Variants in IQSEC1 observed in about 807,000 individuals in gnomAD.
The protein encoded by IQSEC1 is IQ motif and Sec7 domain ArfGEF 1.
In IQSEC1, 31 loss-of-function variants were observed where a neutral mutation model predicts 91.0. The ratio of observed to expected loss-of-function variants is 0.34; its 90% CI spans 0.26 to 0.46. The LOEUF (loss-of-function observed/expected upper bound fraction) is 0.46. Among genes scored for constraint, IQSEC1 ranks in the 20% least tolerant of loss-of-function variants. IQSEC1 has a pLI of 1.00. For missense variants in IQSEC1, 1,388 were observed against 1,575.6 expected, an observed-to-expected ratio of 0.88 and a Z score of 2.02; for synonymous variants, 699 against 662.6, an observed-to-expected ratio of 1.05 and a Z score of -0.84.
chr3:13,250,611 T>A (rs13433756), intron 1 of IQSEC1, among the ~76,000 whole-genome samples: 43 of 91,702 alleles, frequency 4.7e-4, no homozygotes, highest in African/African-American at 2.4e-3. Flanking sequence ...TAATTTATTT[T>A]ATTTTATTTT....
At chr3:13,091,027 C>T (rs545373971) in intron 2 of IQSEC1, among the ~76,000 whole-genome samples, 4 of 152,182 alleles carry the variant, frequency 2.6e-5, no homozygotes, top group East Asian at 1.9e-4. Flanking sequence ...GCCTCCTCCT[C>T]ACCGCCCACA....
chr3:13,280,156 A>G (rs887089153), intron 1 of IQSEC1, among the ~76,000 whole-genome samples: 6 of 152,204 alleles, frequency 3.9e-5, no homozygotes, highest in African/African-American at 1.4e-4. Flanking sequence ...GACTTGTCCC[A>G]TGGTCACCGG....
chr3:12,897,097 C>T lies in IQSEC1; in HGVS notation c.*3886G>A, dbSNP rs2124928503. On this transcript the variant is annotated 3_prime_UTR_variant, in exon 14 of 14. Coordinates refer to ENST00000613206, the MANE Select transcript of IQSEC1 (RefSeq NM_001134382.3). ...TTTTGTATCAGTGTCCTCAGTCAGTCCAATGTCTTCAAGGAAAGTGAGTGC... is the reference window on the plus strand; with the variant it reads ...TTTTGTATCAGTGTCCTCAGTCAGTTCAATGTCTTCAAGGAAAGTGAGTGC... 1 of 152,294 alleles carries T rather than the reference C, an allele frequency of 6.6e-6. No individual in the cohort carries two copies. Among genetic ancestry groups the T allele is most frequent in the East Asian group, 1.9e-4 (1 of 5,188 alleles). 9.4% of individuals were successfully genotyped at this position (152,294 alleles called of 1,614,324 possible). A position where few individuals can be genotyped will look rare whatever the true frequency, so the allele number is the denominator to read the frequency against.
intron 2 of IQSEC1, among the ~76,000 whole-genome samples, chr3:13,120,230 C>T (rs1286901062): frequency 1.3e-5 from 2 of 152,212 alleles, no homozygotes; most frequent in Admixed American, 6.5e-5. Flanking sequence ...CTCACATCCT[C>T]ACCCTCCTTA....
intron 1 of IQSEC1, among the ~76,000 whole-genome samples, chr3:12,998,737 A>G (rs1702312962): frequency 6.6e-6 from 1 of 152,230 alleles, no homozygotes; most frequent in Admixed American, 6.5e-5. Context: ...AGAAACTGGT[A>G]CATGGTTTTG....
intron 1 of IQSEC1, among the ~76,000 whole-genome samples, chr3:12,948,315 G>C (rs1157068802): frequency 2.6e-5 from 4 of 152,238 alleles, no homozygotes; most frequent in African/African-American, 9.6e-5. Context: ...CCCCAAGCCA[G>C]GGTCACCTGC....
intron 2 of IQSEC1, among the ~76,000 whole-genome samples, chr3:13,091,586 G>A (rs1400911157): frequency 6.6e-6 from 1 of 152,164 alleles, no homozygotes; most frequent in Non-Finnish European, 1.5e-5. Context: ...AGCAGGGGCT[G>A]GGGTGTGAAA....
chr3:13,251,296 C>CTAGAGG (rs1487411129), intron 1 of IQSEC1, among the ~76,000 whole-genome samples: 2 of 152,226 alleles, frequency 1.3e-5, no homozygotes, highest in Non-Finnish European at 2.9e-5. Flanking sequence ...ATCAAACACA[C>CTAGAGG]TACATATAAC....
chr3:12,925,739 G>A (rs1291595244), intron 3 of IQSEC1, among the ~76,000 whole-genome samples: 3 of 152,242 alleles, frequency 2.0e-5, no homozygotes, highest in Non-Finnish European at 4.4e-5. Flanking sequence ...GATGTGCATA[G>A]GGCACGGCAT....
intron 2 of IQSEC1, among the ~76,000 whole-genome samples, chr3:13,129,881 A>G (rs1443026876): frequency 6.6e-6 from 1 of 151,628 alleles, no homozygotes; most frequent in Non-Finnish European, 1.5e-5. Flanking sequence ...GATGGTCTCG[A>G]TCTCCTGACC....
intron 3 of IQSEC1, among the ~76,000 whole-genome samples, chr3:12,934,804 C>T (rs755190701): frequency 6.6e-6 from 1 of 152,128 alleles, no homozygotes; most frequent in Non-Finnish European, 1.5e-5. Context: ...CTTTCCAGGA[C>T]CCCCTTGGGG....
intron 2 of IQSEC1, among the ~76,000 whole-genome samples, chr3:12,936,930 A>G (rs1325459710): frequency 6.6e-6 from 1 of 150,746 alleles, no homozygotes. Context: ...TTCCTCTCTC[A>G]GACCTCTTTT....
intron 1 of IQSEC1, among the ~76,000 whole-genome samples, chr3:13,230,812 AAAG>A (rs1435675998): frequency 1.3e-5 from 2 of 152,246 alleles, no homozygotes; most frequent in African/African-American, 4.8e-5. Context: ...CTGAACTAAG[AAAG>A]AAGACCATGG....
chr3:12,949,234 T>C (rs1339404853), intron 1 of IQSEC1, among the ~76,000 whole-genome samples: 2 of 152,202 alleles, frequency 1.3e-5, no homozygotes, highest in East Asian at 1.9e-4. Context: ...TGGACAGGGC[T>C]GGGTCCAGAG....
intron 2 of IQSEC1, among the ~76,000 whole-genome samples, chr3:13,146,446 C>T (rs550860716): frequency 9.2e-5 from 14 of 152,312 alleles, no homozygotes; most frequent in South Asian, 6.2e-4. Flanking sequence ...TAGGAGGGAA[C>T]GGCAGCACAC....
intron 1 of IQSEC1, among the ~76,000 whole-genome samples, chr3:12,968,432 T>C (rs923259641): frequency 6.6e-6 from 1 of 152,154 alleles, no homozygotes; most frequent in South Asian, 2.1e-4. Flanking sequence ...ATTAGCACTT[T>C]AGAGTTCTTT....
At chr3:13,221,746 G>A (rs1047197033) in intron 1 of IQSEC1, among the ~76,000 whole-genome samples, 11 of 152,356 alleles carry the variant, frequency 7.2e-5, no homozygotes, top group African/African-American at 2.2e-4. Flanking sequence ...GGGCCTCCTC[G>A]GCAGGGAGCT....
At chr3:12,964,540 G>A (rs536111475) in intron 1 of IQSEC1, among the ~76,000 whole-genome samples, 1 of 152,230 alleles carries the variant, frequency 6.6e-6, no homozygotes, top group Non-Finnish European at 1.5e-5. Context: ...TTTGACTGGA[G>A]TCCCGAGGAT....
intron 2 of IQSEC1, among the ~76,000 whole-genome samples, chr3:13,160,586 T>C (rs1249934177): frequency 1.3e-5 from 2 of 152,250 alleles, no homozygotes; most frequent in Non-Finnish European, 2.9e-5. Context: ...CCCATTAATT[T>C]TAGTGAGTGT....
Sources: gnomAD v4.1 joint callset for allele counts (sites outside exome capture counted in the v4.1 genomes callset) on GRCh38, gnomAD v4.1.1 for gene constraint, MANE v1.5 for transcripts, NCBI Gene and HGNC (gene_info 2026-07-23, HGNC 2026-07-21) for gene names.